GPA33: variants seen among roughly 807,000 people sequenced by gnomAD.
The protein encoded by GPA33 is glycoprotein A33.
In GPA33, 27 loss-of-function variants were observed where a neutral mutation model predicts 35.6. That is an observed-to-expected ratio of 0.76 (90% CI 0.56 to 1.04). The LOEUF is 1.04. Ranked by LOEUF, GPA33 falls within the 50% of genes least tolerant of loss-of-function variation. GPA33 has a pLI of 0.00. For missense variants in GPA33, 428 were observed against 411.9 expected (o/e 1.04, Z -0.34); for synonymous variants, 176 against 164.0 (o/e 1.07, Z -0.56).
chr1:167,060,585 A>G (rs1408176305), intron 4 of GPA33, among the ~76,000 whole-genome samples: 1 of 152,224 alleles, frequency 6.6e-6, no homozygotes, highest in East Asian at 1.9e-4. Context: ...GCTTTCACAA[A>G]TTAAAGAAGC....
In GPA33 at chr1:167,055,817, A is replaced by T; in HGVS notation, c.604T>A (p.Ser202Thr). The change falls in exon 5 of 7, where the codon TCC becomes ACC. Residue 202 changes from serine to threonine, a missense_variant. By Grantham distance (58) the Ser-to-Thr change is moderately conservative. Coordinates refer to ENST00000367868, the MANE Select transcript of GPA33 (RefSeq NM_005814.3). ...SGQPVSLKNISTDTSGYYICT... is the reference protein window; with the variant it reads ...SGQPVSLKNITTDTSGYYICT... ...ATGTAGTAACCCGATGTGTCTGTGG[A>T]GATATTCTTCAGGGAGACAGGCTGA... 6.2e-7 allele frequency: 1 copy of T among 1,613,860 alleles called. No homozygotes were observed.
intron 4 of GPA33, among the ~76,000 whole-genome samples, chr1:167,061,594 T>G (rs1234822635): frequency 3.7e-5 from 5 of 136,680 alleles, no homozygotes; most frequent in Non-Finnish European, 7.9e-5. Flanking sequence ...CTGTTTTTTT[T>G]TTTTTTTTTT....
chr1:167,062,173 T>C (rs1407534900), intron 4 of GPA33, among the ~76,000 whole-genome samples: 1 of 150,890 alleles, frequency 6.6e-6, no homozygotes, highest in Admixed American at 6.6e-5. Flanking sequence ...AATATTTTAT[T>C]TATTTTATTT....
chr1:167,080,763 C>G (rs772985342), intron 1 of GPA33, among the ~76,000 whole-genome samples: 4 of 152,252 alleles, frequency 2.6e-5, no homozygotes, highest in Admixed American at 6.5e-5. Context: ...TGTCATGTCT[C>G]TCTCCTCTGC....
chr1:167,081,063 G>T (rs912208088), intron 1 of GPA33, among the ~76,000 whole-genome samples: 4 of 152,208 alleles, frequency 2.6e-5, no homozygotes, highest in Non-Finnish European at 5.9e-5. Flanking sequence ...CTCCCTAAGG[G>T]GGTCCATATG....
intron 4 of GPA33, among the ~76,000 whole-genome samples, chr1:167,056,764 T>A (rs1666300825): frequency 6.8e-6 from 1 of 146,836 alleles, no homozygotes; most frequent in African/African-American, 2.5e-5. Flanking sequence ...ATGGCGTGTG[T>A]GTGGTGTGTG....
Position 167,055,713 on chromosome 1 carries a change from C to G in GPA33, c.691+17G>C, listed in dbSNP as rs1224560011. On this transcript the variant is annotated intron_variant, in intron 5 of 6. Transcript: ENST00000367868. The stretch of plus-strand genomic sequence containing the variant: ...CCTGTGGCGTTTGTCAGCCCTCCCC[C>G]CGCAGGCTGCTCTTACGAGATCTGA... 2 of 1,613,436 alleles carry G rather than the reference C, an allele frequency of 1.2e-6. No homozygotes were observed. The highest frequency in any genetic ancestry group is 1.7e-5 in the Admixed American group (1 of 60,026).
At chr1:167,057,151 T>G (rs1267394553) in intron 4 of GPA33, among the ~76,000 whole-genome samples, 1 of 152,008 alleles carries the variant, frequency 6.6e-6, no homozygotes, top group African/African-American at 2.4e-5. Flanking sequence ...CCATTTAACT[T>G]CTTTGAGCTG....
chr1:167,055,316 C>T (rs1666217790), intron 5 of GPA33, among the ~76,000 whole-genome samples: 1 of 152,198 alleles, frequency 6.6e-6, no homozygotes. Flanking sequence ...CATCTTAACA[C>T]TTTCCGGGCT....
chr1:167,056,818 A>ATG (rs1666306308), intron 4 of GPA33, among the ~76,000 whole-genome samples: 22 of 2,904 alleles, frequency 7.6e-3, no homozygotes, highest in South Asian at 0.026. Context: ...TGTATGTGGC[A>ATG]GCGTTTGTAG....
At chr1:167,079,432 C>A (rs1319676835) in intron 1 of GPA33, among the ~76,000 whole-genome samples, 2 of 146,306 alleles carry the variant, frequency 1.4e-5, no homozygotes, top group Non-Finnish European at 3.0e-5. Flanking sequence ...GTGGAGGTTG[C>A]AGTGAGCCGA....
chr1:167,070,459 T>G (rs1405091844), intron 2 of GPA33, among the ~76,000 whole-genome samples: 1 of 152,112 alleles, frequency 6.6e-6, no homozygotes, highest in Non-Finnish European at 1.5e-5. Flanking sequence ...ACCAAGAAGT[T>G]AAAGGCCTCC....
intron 4 of GPA33, among the ~76,000 whole-genome samples, chr1:167,062,081 T>G (rs1666464649): frequency 6.6e-6 from 1 of 152,226 alleles, no homozygotes; most frequent in African/African-American, 2.4e-5. Context: ...TCTGGCCTCC[T>G]TTTCCACCTA....
chr1:167,061,663 C>T (rs189364029), intron 4 of GPA33, among the ~76,000 whole-genome samples: 1,743 of 129,496 alleles, frequency 0.013, 32 homozygotes, highest in African/African-American at 0.05. Flanking sequence ...AGTGCGGTGG[C>T]GCGATCTCGG....
In GPA33 at chr1:167,088,423, C is replaced by T. The variant is rs565002600; in HGVS notation, c.43+1822G>A. ...CGACCACCAAGCCTGGCTTCTCCTG[C>T]CCCACTGCTCTGGCCCCTTCTTCCT... On this transcript the variant is annotated intron_variant, in intron 1 of 6. Coordinates refer to ENST00000367868, the MANE Select transcript of GPA33 (RefSeq NM_005814.3). 2.0e-4 allele frequency among the ~76,000 whole-genome samples: 31 copies of T among 152,316 alleles called. 1 individual carries two copies. The South Asian group carries it at 6.0e-3, about 30-fold the overall frequency.
chr1:167,073,317 G>T (rs2102191576), intron 2 of GPA33, 68 bp downstream of exon 2: 1 of 1,313,444 alleles, frequency 7.6e-7, no homozygotes, highest in Non-Finnish European at 1.1e-6. Flanking sequence ...CATAGTGCTT[G>T]CCTTCTAAGA....
At chr1:167,059,577 C>T (rs1448754950) in intron 4 of GPA33, among the ~76,000 whole-genome samples, 1 of 152,068 alleles carries the variant, frequency 6.6e-6, no homozygotes, top group African/African-American at 2.4e-5. Context: ...GGTCCCCACC[C>T]TTCACAACCG....
At position 167,056,704 on chromosome 1, in the gene GPA33, T is replaced by G. The variant is rs1468505732; in HGVS notation, c.572-855A>C. On this transcript the variant is annotated intron_variant, in intron 4 of 6. Coordinates refer to ENST00000367868, the MANE Select transcript of GPA33 (RefSeq NM_005814.3). ...TCTGGTGTGTGGTGGGTGTGTGGTG[T>G]GTGTAGTGTGTGTGTAGTGTGTGAT... 1.9e-3 allele frequency among the ~76,000 whole-genome samples: 9 copies of G among 4,762 alleles called. No individual in the cohort carries two copies. The Admixed American group carries it at 0.023, about 12-fold the overall frequency. The allele number at this position is 4,762 out of a possible 152,430, so 3.1% of individuals were successfully genotyped here.
rs141789314 is a variant in GPA33, at chr1:167,067,640, G to C, written c.415+1282C>G. On this transcript the variant is annotated intron_variant, in intron 3 of 6. Transcript: ENST00000367868. ...GTGTGTGTATGGGATGTCTATTGTAGTATTGTTCATACAAAAAAATGTTAA... is the reference window on the plus strand; with the variant it reads ...GTGTGTGTATGGGATGTCTATTGTACTATTGTTCATACAAAAAAATGTTAA... Among the ~76,000 whole-genome samples, 223 of 152,226 alleles carry C rather than the reference G, an allele frequency of 1.5e-3. 1 individual carries two copies. Among genetic ancestry groups the C allele is most frequent in the African/African-American group, 5.3e-3 (220 of 41,526 alleles).
Sources: allele counts gnomAD v4.1 joint callset (sites outside exome capture counted in the v4.1 genomes callset), GRCh38; gene constraint gnomAD v4.1.1; transcripts MANE v1.5; gene names NCBI Gene and HGNC (gene_info 2026-07-23, HGNC 2026-07-21).